HEMK2: variants seen among roughly 807,000 people sequenced by gnomAD.
HEMK2 encodes methyltransferase HEMK2.
the HEMK2 span, among the ~76,000 whole-genome samples, chr21:28,684,472 G>A: frequency 3.3e-5 from 5 of 152,206 alleles, no homozygotes; most frequent in African/African-American, 9.6e-5. Context: ...CTGTCATTAC[G>A]GTTTGGGAAT....
At chr21:28,731,759 TAAAAA>T in the HEMK2 span, among the ~76,000 whole-genome samples, 1 of 141,160 alleles carries the variant, frequency 7.1e-6, no homozygotes, top group Admixed American at 6.9e-5. Flanking sequence ...AGTATAATAA[TAAAAA>T]AAAAAAAAAG....
chr21:28,711,670 A>AT, the HEMK2 span, among the ~76,000 whole-genome samples: 1 of 152,194 alleles, frequency 6.6e-6, no homozygotes, highest in Non-Finnish European at 1.5e-5. Flanking sequence ...CTTGGAAACA[A>AT]TTTGACAGGG....
chr21:28,717,531 G>A, the HEMK2 span, among the ~76,000 whole-genome samples: 3 of 136,538 alleles, frequency 2.2e-5, no homozygotes, highest in African/African-American at 5.7e-5. Flanking sequence ...CCAGGCTGGA[G>A]TACAGTGGCA....
At chr21:28,818,836 G>T in the HEMK2 span, among the ~76,000 whole-genome samples, 1 of 152,134 alleles carries the variant, frequency 6.6e-6, no homozygotes, top group Non-Finnish European at 1.5e-5. Flanking sequence ...AATCATGTCG[G>T]ATCATTCCTA....
At chr21:28,778,575 C>T in the HEMK2 span, among the ~76,000 whole-genome samples, 3 of 152,214 alleles carry the variant, frequency 2.0e-5, no homozygotes, top group Non-Finnish European at 4.4e-5. Flanking sequence ...AGGTTCTCTG[C>T]ATCCTTGCCA....
chr21:28,689,610 A>G, the HEMK2 span, among the ~76,000 whole-genome samples: 1 of 152,170 alleles, frequency 6.6e-6, no homozygotes, highest in Non-Finnish European at 1.5e-5. Flanking sequence ...AATTCTAAAG[A>G]CATCCTCCCA....
At chr21:28,676,302 G>A in the HEMK2 span, among the ~76,000 whole-genome samples, 1 of 152,160 alleles carries the variant, frequency 6.6e-6, no homozygotes, top group Non-Finnish European at 1.5e-5. Flanking sequence ...GTCCCTCTGT[G>A]TGTGTCTACG....
At chr21:28,751,000 G>A in the HEMK2 span, among the ~76,000 whole-genome samples, 1 of 152,140 alleles carries the variant, frequency 6.6e-6, no homozygotes, top group African/African-American at 2.4e-5. Flanking sequence ...GGAGGCCGAG[G>A]CGGGCGGATC....
At chr21:28,857,397 T>C in the HEMK2 span, among the ~76,000 whole-genome samples, 1 of 152,164 alleles carries the variant, frequency 6.6e-6, no homozygotes, top group Non-Finnish European at 1.5e-5. Context: ...TGAAAGGATG[T>C]AAGTTTTAAT....
At chr21:28,763,777 C>T in the HEMK2 span, among the ~76,000 whole-genome samples, 1 of 152,094 alleles carries the variant, frequency 6.6e-6, no homozygotes, top group Non-Finnish European at 1.5e-5. Context: ...CAGTGAGGTG[C>T]ACTTAAGCAG....
At chr21:28,652,464 C>G in the HEMK2 span, among the ~76,000 whole-genome samples, 1 of 151,788 alleles carries the variant, frequency 6.6e-6, no homozygotes, top group Non-Finnish European at 1.5e-5. Flanking sequence ...CCCTCCCTCC[C>G]TTCCTTCTTT....
the HEMK2 span, among the ~76,000 whole-genome samples, chr21:28,848,076 T>C: frequency 2.0e-5 from 3 of 152,244 alleles, no homozygotes; most frequent in Non-Finnish European, 4.4e-5. Context: ...CTTTGTTCTT[T>C]TTGCTTAGGA....
the HEMK2 span, among the ~76,000 whole-genome samples, chr21:28,699,803 G>A: frequency 6.6e-6 from 1 of 152,204 alleles, no homozygotes; most frequent in Non-Finnish European, 1.5e-5. Context: ...AGAACAGATG[G>A]TTCAGATAGG....
At chr21:28,704,993 T>C in the HEMK2 span, among the ~76,000 whole-genome samples, 2 of 152,188 alleles carry the variant, frequency 1.3e-5, no homozygotes, top group Non-Finnish European at 2.9e-5. Flanking sequence ...TCCTTCCCTC[T>C]TCACTGCTGC....
the HEMK2 span, among the ~76,000 whole-genome samples, chr21:28,880,953 C>A: frequency 1.3e-4 from 10 of 77,692 alleles, no homozygotes; most frequent in Admixed American, 3.8e-4. Context: ...AAAAAAAAAA[C>A]CGGAAAGCTA....
the HEMK2 span, among the ~76,000 whole-genome samples, chr21:28,741,112 A>G: frequency 6.6e-6 from 1 of 152,162 alleles, no homozygotes; most frequent in Admixed American, 6.5e-5. Flanking sequence ...CACAATCCCA[A>G]ATCTGAACTC....
chr21:28,629,327 T>C, the HEMK2 span, among the ~76,000 whole-genome samples: 1 of 152,224 alleles, frequency 6.6e-6, no homozygotes, highest in Non-Finnish European at 1.5e-5. Context: ...GACAGTGCTG[T>C]GGTGTTGTCT....
At chr21:28,882,279 T>C in the HEMK2 span, 2 of 1,548,308 alleles carry the variant, frequency 1.3e-6, no homozygotes, top group South Asian at 1.1e-5. Flanking sequence ...GGAAACTATA[T>C]CCTATGTCCA....
the HEMK2 span, among the ~76,000 whole-genome samples, chr21:28,764,706 C>T: frequency 6.6e-6 from 1 of 152,054 alleles, no homozygotes; most frequent in African/African-American, 2.4e-5. Context: ...TTTTTTATAA[C>T]TTAAGGCTGC....
Sources: gnomAD v4.1 joint callset for allele counts (sites outside exome capture counted in the v4.1 genomes callset) on GRCh38, gnomAD v4.1.1 for gene constraint, MANE v1.5 for transcripts, NCBI Gene and HGNC (gene_info 2026-07-23, HGNC 2026-07-21) for gene names.